The following PTPRR variants were observed in gnomAD, a reference collection of about 807,000 sequenced individuals.
PTPRR encodes receptor-type tyrosine-protein phosphatase R.
In PTPRR, 38 loss-of-function variants were observed where a neutral mutation model predicts 77.2. The observed-to-expected ratio is 0.49, with a 90% CI of 0.38 to 0.65. The LOEUF (loss-of-function observed/expected upper bound fraction) is 0.65. Among genes scored for constraint, PTPRR ranks in the 30% least tolerant of loss-of-function variants. PTPRR has a pLI of 0.00. For synonymous variants in PTPRR, 299 were observed against 283.1 expected, an observed-to-expected ratio of 1.06 and a Z score of -0.57; for missense variants, 744 against 799.2, an observed-to-expected ratio of 0.93 and a Z score of 0.83.
intron 6 of PTPRR, among the ~76,000 whole-genome samples, chr12:70,734,013 G>C (rs1889777712): frequency 6.6e-6 from 1 of 152,142 alleles, no homozygotes. Context: ...TAAGGCAAAA[G>C]TCTCTGGCTG....
intron 2 of PTPRR, among the ~76,000 whole-genome samples, chr12:70,881,973 G>A (rs999144556): frequency 5.3e-5 from 8 of 152,178 alleles, no homozygotes; most frequent in Non-Finnish European, 8.8e-5. Context: ...AAAGTATTGG[G>A]TGTTTATTGT....
At chr12:70,719,258 T>A (rs867699918) in intron 6 of PTPRR, among the ~76,000 whole-genome samples, 1 of 152,174 alleles carries the variant, frequency 6.6e-6, no homozygotes, top group South Asian at 2.1e-4. Context: ...TTCCCTCTTC[T>A]AATCATGCTT....
At chr12:70,747,837 G>C (rs1890261572) in intron 5 of PTPRR, among the ~76,000 whole-genome samples, 1 of 152,144 alleles carries the variant, frequency 6.6e-6, no homozygotes, top group African/African-American at 2.4e-5. Context: ...AGATTGGGCT[G>C]TCTGAAAAAA....
intron 2 of PTPRR, among the ~76,000 whole-genome samples, chr12:70,786,388 C>T (rs539265494): frequency 6.6e-6 from 1 of 152,126 alleles, no homozygotes; most frequent in East Asian, 1.9e-4. Context: ...CTTTCCTGAG[C>T]CATTGAATAT....
chr12:70,781,758 T>G (rs187491856), intron 2 of PTPRR, among the ~76,000 whole-genome samples: 22 of 152,254 alleles, frequency 1.4e-4, no homozygotes, highest in Non-Finnish European at 2.8e-4. Context: ...AAAGACAGGA[T>G]GGTAAACAGA....
In PTPRR at chr12:70,754,287, T is replaced by C; in HGVS notation, c.642A>G (p.Gln214=). 6.2e-7 allele frequency: 1 copy of C among 1,613,258 alleles called. No individual in the cohort carries two copies. The highest frequency in any genetic ancestry group is 1.1e-5 in the South Asian group (1 of 91,006). The change falls in exon 5 of 14, where the codon CAA becomes CAG. Residue 214 remains glutamine, a synonymous_variant. Coordinates refer to ENST00000283228, the MANE Select transcript of PTPRR (RefSeq NM_002849.4). ...AGATTTTGTCCGCTTCATGCTGCCCTTGTAAAACATTTTTCTTTAAAAGCA... is the reference window on the plus strand; with the variant it reads ...AGATTTTGTCCGCTTCATGCTGCCCCTGTAAAACATTTTTCTTTAAAAGCA... ...TEVSPEKNVL[Q]GQHEADKIWS... is the part of the protein sequence containing the mutation.
chr12:70,684,592 T>C, intron 9 of PTPRR, 112 bp downstream of exon 9: 4 of 766,972 alleles, frequency 5.2e-6, no homozygotes, highest in Non-Finnish European at 8.5e-6. Context: ...CAAAATGAAA[T>C]CTTGCTGGTA....
At chr12:70,918,318 T>C (rs1208618609) in intron 1 of PTPRR, among the ~76,000 whole-genome samples, 2 of 152,234 alleles carry the variant, frequency 1.3e-5, no homozygotes, top group Admixed American at 6.5e-5. Context: ...AAAACACCAA[T>C]GTATTTTACT....
intron 10 of PTPRR, among the ~76,000 whole-genome samples, chr12:70,667,019 G>C (rs548194434): frequency 8.0e-6 from 1 of 125,184 alleles, no homozygotes; most frequent in African/African-American, 3.0e-5. Flanking sequence ...GCAGTGGCAC[G>C]ATCTTGGCTC....
intron 1 of PTPRR, among the ~76,000 whole-genome samples, chr12:70,896,679 A>G (rs572485627): frequency 7.8e-4 from 118 of 151,932 alleles, no homozygotes; most frequent in Non-Finnish European, 1.0e-3. Context: ...ACTGAACTAA[A>G]ATAAAAATAT....
intron 6 of PTPRR, among the ~76,000 whole-genome samples, chr12:70,732,278 G>GA (rs1471748643): frequency 1.3e-5 from 2 of 152,126 alleles, no homozygotes; most frequent in Non-Finnish European, 2.9e-5. Context: ...ATTCTGTCAG[G>GA]AAAAAATATT....
chr12:70,865,258 T>C (rs1892823307), intron 2 of PTPRR, among the ~76,000 whole-genome samples: 1 of 100,718 alleles, frequency 9.9e-6, no homozygotes, highest in Non-Finnish European at 2.6e-5. Flanking sequence ...CCATTAGACC[T>C]CTTTTTCTTT....
intron 6 of PTPRR, among the ~76,000 whole-genome samples, chr12:70,708,045 C>A (rs965346649): frequency 2.6e-5 from 4 of 152,072 alleles, no homozygotes; most frequent in Non-Finnish European, 5.9e-5. Flanking sequence ...AATGTGCTTG[C>A]CCCAACACTT....
intron 2 of PTPRR, among the ~76,000 whole-genome samples, chr12:70,793,947 A>G (rs1200167589): frequency 1.3e-5 from 2 of 152,208 alleles, no homozygotes; most frequent in African/African-American, 4.8e-5. Context: ...ATGTTGAGAA[A>G]TAAGGTTTAT....
At chr12:70,914,659 A>G (rs1893748160) in intron 1 of PTPRR, among the ~76,000 whole-genome samples, 1 of 152,112 alleles carries the variant, frequency 6.6e-6, no homozygotes, top group African/African-American at 2.4e-5. Context: ...AAATAGTTGT[A>G]TATAAGATTA....
intron 2 of PTPRR, among the ~76,000 whole-genome samples, chr12:70,871,889 C>G (rs993175264): frequency 6.6e-6 from 1 of 152,114 alleles, no homozygotes; most frequent in African/African-American, 2.4e-5. Context: ...CAGGTCACAC[C>G]TTGGCCTCAT....
chr12:70,898,563 A>G (rs1183166392), intron 1 of PTPRR, among the ~76,000 whole-genome samples: 1 of 149,080 alleles, frequency 6.7e-6, no homozygotes, highest in East Asian at 1.9e-4. Context: ...ATATACACAC[A>G]TATATATGTA....
chr12:70,660,317 T>C (rs890192907), intron 12 of PTPRR, among the ~76,000 whole-genome samples: 1 of 152,134 alleles, frequency 6.6e-6, no homozygotes, highest in Non-Finnish European at 1.5e-5. Context: ...AGCTTTGAAC[T>C]AGAAATTAGG....
At chr12:70,697,227 A>T (rs1888260514) in intron 8 of PTPRR, among the ~76,000 whole-genome samples, 1 of 152,168 alleles carries the variant, frequency 6.6e-6, no homozygotes, top group Non-Finnish European at 1.5e-5. Flanking sequence ...CATCCTTGCC[A>T]GCATTTTTTA....
Sources: gnomAD v4.1 joint callset for allele counts (sites outside exome capture counted in the v4.1 genomes callset) on GRCh38, gnomAD v4.1.1 for gene constraint, MANE v1.5 for transcripts, NCBI Gene and HGNC (gene_info 2026-07-23, HGNC 2026-07-21) for gene names.